DOCK5: variants seen among roughly 807,000 people sequenced by gnomAD.
DOCK5 encodes dedicator of cytokinesis protein 5.
A neutral mutation model predicts 251.8 loss-of-function variants in DOCK5; 142 were observed. The observed-to-expected ratio is 0.56, with a 90% CI of 0.49 to 0.65. The LOEUF is 0.65. DOCK5 is among the 30% of genes least tolerant of loss of function. The probability of loss-of-function intolerance (pLI) is 0.00; values close to 1 mark genes in which losing one functional copy is unlikely to be tolerated. For missense variants in DOCK5, 2,111 were observed against 2,312.3 expected, an observed-to-expected ratio of 0.91 and a Z score of 1.79; for synonymous variants, 842 against 835.5, an observed-to-expected ratio of 1.01 and a Z score of -0.13.
chr8:25,395,578 C>T lies in DOCK5; in HGVS notation c.4563C>T (p.Thr1521=), dbSNP rs753572778. The change falls in exon 45 of 52, where the codon ACC becomes ACT. Residue 1521 remains threonine (T), a synonymous_variant. Transcript: ENST00000276440. ...GTCCTCTGGAGAATGCCATCGAAAC[C>T]ATGGAGCTGACCAACGAGAGGATCA... ...EISPLENAIE[T]MELTNERISN... The T allele has an allele frequency of 6.2e-7, 1 of 1,613,584 alleles. No homozygotes were observed.
intron 27 of DOCK5, among the ~76,000 whole-genome samples, chr8:25,357,727 A>G (rs1313820532): frequency 1.3e-5 from 2 of 152,192 alleles, no homozygotes; most frequent in African/African-American, 2.4e-5. Flanking sequence ...GCATACGTTC[A>G]GAAAGAGATA....
At chr8:25,362,147 A>G (rs1353473343) in intron 28 of DOCK5, among the ~76,000 whole-genome samples, 2 of 152,158 alleles carry the variant, frequency 1.3e-5, no homozygotes, top group Non-Finnish European at 2.9e-5. Context: ...ACCGTTTAGG[A>G]CCTTTCTTCC....
chr8:25,312,684 A>G (rs1586319372), intron 13 of DOCK5, among the ~76,000 whole-genome samples: 1 of 145,766 alleles, frequency 6.9e-6, no homozygotes. Flanking sequence ...AATTGCTTGA[A>G]CCCGGGAGGC....
chr8:25,271,440 C>G (rs1803909117), intron 3 of DOCK5, among the ~76,000 whole-genome samples: 1 of 152,140 alleles, frequency 6.6e-6, no homozygotes. Flanking sequence ...TTTTGACACC[C>G]CGTCATTAAG....
chr8:25,413,490 G>C lies in DOCK5; in HGVS notation c.*2192G>C, dbSNP rs1801664399. 1 of 152,316 alleles carries C rather than the reference G, an allele frequency of 6.6e-6. No homozygotes were observed. Among genetic ancestry groups the C allele is most frequent in the African/African-American group, 2.4e-5 (1 of 41,570 alleles). 9.4% of individuals were successfully genotyped at this position (152,316 alleles called of 1,614,324 possible). ...GACAGGATATGTAGGGGCTTACCTAGAGCCTGGCACGACTTCTGAGAAGTC... is the reference window on the plus strand; with the variant it reads ...GACAGGATATGTAGGGGCTTACCTACAGCCTGGCACGACTTCTGAGAAGTC... On this transcript the variant is annotated 3_prime_UTR_variant, in exon 52 of 52. Coordinates refer to ENST00000276440, the MANE Select transcript of DOCK5 (RefSeq NM_024940.8).
At chr8:25,238,236 T>A (rs1802851474) in intron 1 of DOCK5, among the ~76,000 whole-genome samples, 1 of 152,216 alleles carries the variant, frequency 6.6e-6, no homozygotes, top group Non-Finnish European at 1.5e-5. Flanking sequence ...TGGACTGGCT[T>A]GGTCAAATGT....
chr8:25,395,498 G>A, intron 44 of DOCK5, 45 bp from the exon 45 acceptor site: 13 of 1,571,896 alleles, frequency 8.3e-6, no homozygotes, highest in African/African-American at 1.4e-5. Flanking sequence ...GTCTTTACTT[G>A]GAGCTGACAA....
At chr8:25,346,306 A>AAAT (rs1022979539) in intron 26 of DOCK5, among the ~76,000 whole-genome samples, 1 of 151,996 alleles carries the variant, frequency 6.6e-6, no homozygotes, top group East Asian at 2.0e-4. Flanking sequence ...TCTCTCTAAA[A>AAAT]AATAATAATA....
chr8:25,243,503 G>A (rs1322306033), intron 1 of DOCK5, among the ~76,000 whole-genome samples, 171 bp from the exon 2 acceptor site: 1 of 151,850 alleles, frequency 6.6e-6, no homozygotes, highest in East Asian at 1.9e-4. Flanking sequence ...GCTGATTTTT[G>A]TATTTTTAGT....
At chr8:25,250,099 T>C (rs183230815) in intron 2 of DOCK5, among the ~76,000 whole-genome samples, 301 of 152,336 alleles carry the variant, frequency 2.0e-3, no homozygotes, top group Admixed American at 3.9e-3. Flanking sequence ...GTGGAATTGC[T>C]GGGTCATAGG....
intron 37 of DOCK5, chr8:25,375,264 A>C: frequency 6.2e-6 from 1 of 161,874 alleles, no homozygotes; most frequent in South Asian, 1.7e-4. Flanking sequence ...TAACATTCCC[A>C]TCCATTTAGT....
intron 26 of DOCK5, among the ~76,000 whole-genome samples, chr8:25,350,906 A>G (rs914801129): frequency 6.6e-6 from 1 of 152,198 alleles, no homozygotes; most frequent in African/African-American, 2.4e-5. Flanking sequence ...ATGAATCTGG[A>G]GGAGACACAA....
intron 29 of DOCK5, among the ~76,000 whole-genome samples, chr8:25,363,707 C>T (rs1280702437): frequency 6.6e-6 from 1 of 152,218 alleles, no homozygotes; most frequent in African/African-American, 2.4e-5. Flanking sequence ...GTTGCTTCTG[C>T]TACTTCCCTG....
Position 25,412,544 on chromosome 8 carries a change from A to G in DOCK5, c.*1246A>G, listed in dbSNP as rs1417916763. ...ATACCTAGGTAATCTCTAGAAGACA[A>G]CTCTGACAGACTCTTTAATATTTAC... On this transcript the variant is annotated 3_prime_UTR_variant, in exon 52 of 52. Coordinates refer to ENST00000276440, the MANE Select transcript of DOCK5 (RefSeq NM_024940.8). 6.6e-6 allele frequency: 1 copy of G among 152,140 alleles called. No individual in the cohort carries two copies. Among genetic ancestry groups the G allele is most frequent in the Non-Finnish European group, 1.5e-5 (1 of 68,024 alleles). The allele number at this position is 152,140 out of a possible 1,614,324, so 9.4% of individuals were successfully genotyped here.
At chr8:25,197,451 T>C (rs1284841172) in intron 1 of DOCK5, among the ~76,000 whole-genome samples, 2 of 152,174 alleles carry the variant, frequency 1.3e-5, no homozygotes, top group Non-Finnish European at 2.9e-5. Context: ...ATGGTCATTA[T>C]CCACCTTTTC....
chr8:25,367,945 T>C (rs755431035), intron 31 of DOCK5, among the ~76,000 whole-genome samples: 8 of 152,016 alleles, frequency 5.3e-5, no homozygotes, highest in Non-Finnish European at 8.8e-5. Flanking sequence ...CTGAAGTGAG[T>C]TTGTTAATCT....
chr8:25,230,442 C>G (rs1802640705), intron 1 of DOCK5, among the ~76,000 whole-genome samples: 1 of 152,168 alleles, frequency 6.6e-6, no homozygotes, highest in Non-Finnish European at 1.5e-5. Flanking sequence ...TGTTAACGTG[C>G]CATCAATTAT....
At chr8:25,248,883 T>C (rs1803193207) in intron 2 of DOCK5, among the ~76,000 whole-genome samples, 1 of 152,156 alleles carries the variant, frequency 6.6e-6, no homozygotes, top group African/African-American at 2.4e-5. Flanking sequence ...AAACCCTGGG[T>C]ATTACAAGGC....
At chr8:25,289,231 A>G (rs73673882) in intron 5 of DOCK5, among the ~76,000 whole-genome samples, 5,351 of 152,218 alleles carry the variant, frequency 0.035, 330 homozygotes, top group African/African-American at 0.12. Context: ...GGATCGTCAT[A>G]GAAGGACATC....
Sources: gnomAD v4.1 joint callset for allele counts (sites outside exome capture counted in the v4.1 genomes callset) on GRCh38, gnomAD v4.1.1 for gene constraint, MANE v1.5 for transcripts, NCBI Gene and HGNC (gene_info 2026-07-23, HGNC 2026-07-21) for gene names.